The following PCDH9 variants were observed in gnomAD, a reference collection of about 807,000 sequenced individuals.
The protein encoded by PCDH9 is protocadherin 9.
In PCDH9, 24 loss-of-function variants were observed where a neutral mutation model predicts 70.6. That is an observed-to-expected ratio of 0.34 (90% CI 0.25 to 0.48). PCDH9 has a LOEUF of 0.48. PCDH9 is among the 20% of genes least tolerant of loss of function. The pLI is 0.99. For missense variants in PCDH9, 1,281 were observed against 1,503.6 expected, an observed-to-expected ratio of 0.85 and a Z score of 2.45; for synonymous variants, 562 against 558.5, an observed-to-expected ratio of 1.01 and a Z score of -0.09.
intron 2 of PCDH9, among the ~76,000 whole-genome samples, chr13:67,110,375 G>T (rs541441943): frequency 6.6e-6 from 1 of 151,792 alleles, no homozygotes; most frequent in East Asian, 1.9e-4. Context: ...ATTAGCCGGG[G>T]TGGCAGCATG....
intron 2 of PCDH9, among the ~76,000 whole-genome samples, chr13:67,060,544 T>C (rs1191297390): frequency 2.6e-5 from 4 of 152,158 alleles, no homozygotes; most frequent in Admixed American, 6.6e-5. Context: ...TTCACTTTGT[T>C]TTTTTAAATG....
chr13:66,374,917 A>G (rs1483035399), intron 4 of PCDH9, among the ~76,000 whole-genome samples: 2 of 152,132 alleles, frequency 1.3e-5, no homozygotes, highest in African/African-American at 4.8e-5. Context: ...GTTCTCATTG[A>G]GGACAATTCA....
At chr13:66,712,318 A>G (rs898862128) in intron 3 of PCDH9, among the ~76,000 whole-genome samples, 2 of 152,128 alleles carry the variant, frequency 1.3e-5, no homozygotes, top group African/African-American at 4.8e-5. Context: ...ACTGATATTC[A>G]AGGGAAATGA....
chr13:66,720,732 T>C (rs1196561763), intron 3 of PCDH9, among the ~76,000 whole-genome samples: 1 of 152,174 alleles, frequency 6.6e-6, no homozygotes, highest in African/African-American at 2.4e-5. Context: ...TTCCCAGTTA[T>C]AAGCCATAAC....
chr13:67,090,219 T>C (rs1354114553), intron 2 of PCDH9, among the ~76,000 whole-genome samples: 1 of 152,020 alleles, frequency 6.6e-6, no homozygotes. Flanking sequence ...TATTAATATG[T>C]ATATGAATCA....
At chr13:67,102,026 G>C (rs2086446007) in intron 2 of PCDH9, among the ~76,000 whole-genome samples, 1 of 152,098 alleles carries the variant, frequency 6.6e-6, no homozygotes, top group Non-Finnish European at 1.5e-5. Flanking sequence ...ATTTATAGGA[G>C]TTTTAATAAG....
At chr13:66,509,336 T>G (rs1444686873) in intron 4 of PCDH9, among the ~76,000 whole-genome samples, 6 of 152,204 alleles carry the variant, frequency 3.9e-5, no homozygotes, top group South Asian at 4.1e-4. Flanking sequence ...CTTGTTGGAA[T>G]GTAAACATTG....
chr13:66,887,613 G>A (rs538763859), intron 3 of PCDH9, among the ~76,000 whole-genome samples: 42 of 152,278 alleles, frequency 2.8e-4, no homozygotes, highest in Admixed American at 1.0e-3. Flanking sequence ...GCTGCTATAC[G>A]TAAGCACTAG....
intron 4 of PCDH9, among the ~76,000 whole-genome samples, chr13:66,440,988 A>T (rs1000936183): frequency 1.2e-4 from 19 of 152,262 alleles, no homozygotes; most frequent in African/African-American, 4.3e-4. Flanking sequence ...CTTTAAAGTG[A>T]CTCAACTTCA....
At chr13:66,767,527 A>G (rs942510449) in intron 3 of PCDH9, among the ~76,000 whole-genome samples, 9 of 152,110 alleles carry the variant, frequency 5.9e-5, no homozygotes, top group African/African-American at 1.7e-4. Context: ...GGAGACTAAA[A>G]TTGATACACA....
At chr13:66,672,364 G>A (rs907052169) in intron 3 of PCDH9, among the ~76,000 whole-genome samples, 6 of 152,198 alleles carry the variant, frequency 3.9e-5, no homozygotes, top group African/African-American at 1.2e-4. Context: ...CAAAAATTGA[G>A]GTTTGGGAAT....
At chr13:66,925,054 T>C (rs922422365) in intron 2 of PCDH9, among the ~76,000 whole-genome samples, 1 of 151,844 alleles carries the variant, frequency 6.6e-6, no homozygotes, top group African/African-American at 2.4e-5. Context: ...ATAGAAAGAA[T>C]ATAAATTACA....
intron 4 of PCDH9, among the ~76,000 whole-genome samples, chr13:66,618,615 T>C (rs1248866494): frequency 2.0e-5 from 3 of 152,202 alleles, no homozygotes; most frequent in African/African-American, 7.2e-5. Context: ...TTGAGGTATT[T>C]AAAAAGTTAA....
intron 2 of PCDH9, among the ~76,000 whole-genome samples, chr13:66,959,045 C>T (rs2083305332): frequency 6.6e-6 from 1 of 152,110 alleles, no homozygotes; most frequent in Admixed American, 6.6e-5. Context: ...CAGTTTGTAA[C>T]AAGACAGTAC....
intron 3 of PCDH9, among the ~76,000 whole-genome samples, chr13:66,847,770 C>T (rs1439572596): frequency 6.6e-6 from 1 of 152,096 alleles, no homozygotes; most frequent in African/African-American, 2.4e-5. Context: ...AAGTGACTAA[C>T]GAGCAGGCAG....
At chr13:66,760,257 C>G in intron 3 of PCDH9, among the ~76,000 whole-genome samples, 1 of 152,078 alleles carries the variant, frequency 6.6e-6, no homozygotes, top group East Asian at 1.9e-4. Context: ...TTGCTTCTTT[C>G]TCTTGCTGCC....
intron 2 of PCDH9, among the ~76,000 whole-genome samples, chr13:66,963,117 C>A (rs1183466468): frequency 6.6e-6 from 1 of 152,154 alleles, no homozygotes; most frequent in Non-Finnish European, 1.5e-5. Context: ...AATGCTGCTG[C>A]TGATCTGATG....
chr13:66,537,078 A>G (rs1254138483), intron 4 of PCDH9, among the ~76,000 whole-genome samples: 1 of 152,132 alleles, frequency 6.6e-6, no homozygotes, highest in African/African-American at 2.4e-5. Context: ...TCAATTTTGG[A>G]AAGGATGAGG....
intron 2 of PCDH9, among the ~76,000 whole-genome samples, chr13:67,117,900 G>A (rs899257183): frequency 6.6e-5 from 10 of 152,138 alleles, no homozygotes; most frequent in East Asian, 3.9e-4. Flanking sequence ...CCAAAAGGAC[G>A]TGTTAGAATA....
Sources: allele counts gnomAD v4.1 joint callset (sites outside exome capture counted in the v4.1 genomes callset), GRCh38; gene constraint gnomAD v4.1.1; transcripts MANE v1.5; gene names NCBI Gene and HGNC (gene_info 2026-07-23, HGNC 2026-07-21).